Variants in PCDHGA11 observed in about 807,000 individuals in gnomAD.
PCDHGA11 encodes the protein protocadherin gamma subfamily A, 11.
In PCDHGA11, 39 loss-of-function variants were observed where a neutral mutation model predicts 60.4. That is an observed-to-expected ratio of 0.65 (90% confidence interval 0.50 to 0.84). The LOEUF (loss-of-function observed/expected upper bound fraction) is 0.84, where lower values mean the gene tolerates loss of function less well. PCDHGA11 is among the 40% of genes least tolerant of loss of function. The pLI is 0.00. For synonymous variants in PCDHGA11, 533 were observed against 510.3 expected, an observed-to-expected ratio of 1.04 and a Z score of -0.60; for missense variants, 1,165 against 1,197.7, an observed-to-expected ratio of 0.97 and a Z score of 0.40.
At chr5:141,475,448 G>C (rs774710049) in intron 1 of PCDHGA11, among the ~76,000 whole-genome samples, 1 of 152,214 alleles carries the variant, frequency 6.6e-6, no homozygotes, top group African/African-American at 2.4e-5. Context: ...CAGATAATGA[G>C]GAAGTGACAG....
chr5:141,468,868 AAATAAT>A (rs993655754), intron 1 of PCDHGA11, among the ~76,000 whole-genome samples: 1 of 151,794 alleles, frequency 6.6e-6, no homozygotes, highest in Non-Finnish European at 1.5e-5. Context: ...TCCATCTCAA[AAATAAT>A]AATAATAATA....
chr5:141,446,455 T>G (rs1347586383), intron 1 of PCDHGA11, among the ~76,000 whole-genome samples: 1 of 151,858 alleles, frequency 6.6e-6, no homozygotes, highest in Non-Finnish European at 1.5e-5. Context: ...AGATATTCAG[T>G]GTGTGATTAG....
At chr5:141,464,982 T>A (rs914697541) in intron 1 of PCDHGA11, among the ~76,000 whole-genome samples, 1 of 152,030 alleles carries the variant, frequency 6.6e-6, no homozygotes, top group Non-Finnish European at 1.5e-5. Context: ...CTTCAAGTGA[T>A]CCTCCCACCT....
intron 1 of PCDHGA11, chr5:141,428,236 G>A (rs1474911413): frequency 9.7e-7 from 1 of 1,026,978 alleles, no homozygotes; most frequent in Admixed American, 1.9e-5. Context: ...CAGCCTGCAG[G>A]AGGCACTGCC....
In PCDHGA11 at chr5:141,485,417, G is replaced by A. The variant is rs1340790133; in HGVS notation, c.2434-9390G>A. The A allele has an allele frequency of 1.2e-6, 2 of 1,614,166 alleles. No homozygotes were observed. Among genetic ancestry groups the A allele is most frequent in the Non-Finnish European group, 8.5e-7 (1 of 1,180,038 alleles). ...ACACTTCCGTGTGGATTTGGACAGCGGAGCCCTGCTCATCAAGAACCCAAT... is the reference window on the plus strand; with the variant it reads ...ACACTTCCGTGTGGATTTGGACAGCAGAGCCCTGCTCATCAAGAACCCAAT... On this transcript the variant is annotated intron_variant, in intron 1 of 3. Coordinates refer to ENST00000398587, the MANE Select transcript of PCDHGA11 (RefSeq NM_018914.3). The surrounding 1 kb of genome is among the most constrained non-coding windows in gnomAD (Gnocchi z 5.7).
intron 1 of PCDHGA11, among the ~76,000 whole-genome samples, chr5:141,433,789 A>G (rs1388423731): frequency 6.7e-6 from 1 of 148,972 alleles, no homozygotes; most frequent in Non-Finnish European, 1.5e-5. Flanking sequence ...ATGAGCTGAG[A>G]TTGTGCCATT....
At chr5:141,509,334 G>A (rs1184232270) in intron 3 of PCDHGA11, among the ~76,000 whole-genome samples, 1 of 152,186 alleles carries the variant, frequency 6.6e-6, no homozygotes, top group Non-Finnish European at 1.5e-5. Flanking sequence ...ACTGCCAGCT[G>A]GGCCTGGGCT....
intron 1 of PCDHGA11, among the ~76,000 whole-genome samples, chr5:141,463,438 C>CTTTTTTTTT (rs71576115): frequency 4.8e-5 from 5 of 103,252 alleles, no homozygotes; most frequent in African/African-American, 2.2e-4. Context: ...TTTCCTTCTC[C>CTTTTTTTTT]TTTTTTTTTT....
rs762238827 is a variant in PCDHGA11 at position 141,487,202 on chromosome 5, C to T, written c.2434-7605C>T. ...CACTCATCCAGTTGTCCCAGATCTT[C>T]GAGAATCTTCAGCTCCAAGGGAAGG... On this transcript the variant is annotated intron_variant, in intron 1 of 3. Coordinates refer to ENST00000398587, the MANE Select transcript of PCDHGA11 (RefSeq NM_018914.3). This position sits in a 1 kb window ranked among gnomAD's most constrained non-coding sequence, Gnocchi z 5.0. 7 of 1,613,660 alleles carry T rather than the reference C, an allele frequency of 4.3e-6. No homozygotes were observed. The highest frequency in any genetic ancestry group is 1.7e-5 in the Admixed American group (1 of 59,992).
At chr5:141,472,980 C>CAAAAAAA (rs60579131) in intron 1 of PCDHGA11, among the ~76,000 whole-genome samples, 1 of 86,102 alleles carries the variant, frequency 1.2e-5, no homozygotes, top group South Asian at 4.3e-4. Flanking sequence ...GAGTGAAACT[C>CAAAAAAA]AAAAAAAAAA....
intron 1 of PCDHGA11, among the ~76,000 whole-genome samples, chr5:141,425,003 T>C (rs75915888): frequency 0.036 from 5,431 of 152,274 alleles, 181 homozygotes; most frequent in African/African-American, 0.084. Context: ...AGTTTAGTTT[T>C]CTCATTTAGG....
intron 1 of PCDHGA11, among the ~76,000 whole-genome samples, chr5:141,453,779 C>T (rs138335951): frequency 0.013 from 2,000 of 152,278 alleles, 24 homozygotes; most frequent in Non-Finnish European, 0.021. Flanking sequence ...ATTTTAGTTA[C>T]CATGGTATAT....
At chr5:141,500,876 A>G (rs909126749) in intron 2 of PCDHGA11, among the ~76,000 whole-genome samples, 1 of 124,952 alleles carries the variant, frequency 8.0e-6, no homozygotes, top group African/African-American at 3.5e-5. Flanking sequence ...ATTCATTTAC[A>G]ATTTTTTTTT....
intron 1 of PCDHGA11, among the ~76,000 whole-genome samples, chr5:141,425,471 T>A (rs2096877403): frequency 6.6e-6 from 1 of 152,218 alleles, no homozygotes; most frequent in African/African-American, 2.4e-5. Flanking sequence ...TGTTATTAAT[T>A]CCTATGGCAA....
At chr5:141,478,299 G>A (rs201916687) in intron 1 of PCDHGA11, 1 of 1,614,056 alleles carries the variant, frequency 6.2e-7, no homozygotes, top group Non-Finnish European at 8.5e-7. Flanking sequence ...GACCTATACC[G>A]AGCCCCGGTG....
intron 1 of PCDHGA11, among the ~76,000 whole-genome samples, chr5:141,425,629 C>G (rs1297803997): frequency 1.3e-5 from 2 of 152,162 alleles, no homozygotes; most frequent in Admixed American, 1.3e-4. Flanking sequence ...CTCCAGTTTT[C>G]TCTGATAAAA....
intron 2 of PCDHGA11, among the ~76,000 whole-genome samples, chr5:141,502,478 A>G (rs2099814452): frequency 6.6e-6 from 1 of 150,896 alleles, no homozygotes; most frequent in Non-Finnish European, 1.5e-5. Flanking sequence ...CCGCAGCATC[A>G]CACTGGGACT....
intron 1 of PCDHGA11, among the ~76,000 whole-genome samples, chr5:141,475,364 G>C (rs2099362607): frequency 6.6e-6 from 1 of 152,200 alleles, no homozygotes; most frequent in Admixed American, 6.5e-5. Flanking sequence ...AATAAAATCT[G>C]AATTGTACTT....
At chr5:141,504,545 TGTTGGGGG>T in intron 2 of PCDHGA11, among the ~76,000 whole-genome samples, 1 of 151,524 alleles carries the variant, frequency 6.6e-6, no homozygotes, top group South Asian at 2.1e-4. Flanking sequence ...TCATGGCAAA[TGTTGGGGG>T]ACTGGCATTC....
Sources: gnomAD v4.1 joint callset for allele counts (sites outside exome capture counted in the v4.1 genomes callset) on GRCh38, gnomAD v4.1.1 for gene constraint, Gnocchi (gnomAD v3.1) non-coding constraint, MANE v1.5 for transcripts, NCBI Gene and HGNC (gene_info 2026-07-23, HGNC 2026-07-21) for gene names.